VAT1L: variants seen among roughly 807,000 people sequenced by gnomAD.
The protein encoded by VAT1L is putative NADPH-dependent quinone oxidoreductase VAT1L.
A neutral mutation model predicts 44.1 loss-of-function variants in VAT1L; 34 were observed. The observed-to-expected ratio is 0.77, with a 90% CI of 0.59 to 1.03. The LOEUF (loss-of-function observed/expected upper bound fraction) is 1.03. VAT1L is among the 50% of genes least tolerant of loss of function. VAT1L has a pLI of 0.00. For missense variants in VAT1L, 615 were observed against 538.8 expected (o/e 1.14, Z -1.40); for synonymous variants, 253 against 202.2 (o/e 1.25, Z -2.13).
At chr16:77,950,923 A>G (rs1019351505) in intron 7 of VAT1L, among the ~76,000 whole-genome samples, 1 of 152,200 alleles carries the variant, frequency 6.6e-6, no homozygotes, top group African/African-American at 2.4e-5. Flanking sequence ...CAGCTAATAA[A>G]TGAACACGAC....
intron 3 of VAT1L, among the ~76,000 whole-genome samples, chr16:77,835,003 A>T (rs1048092783): frequency 6.6e-6 from 1 of 152,186 alleles, no homozygotes; most frequent in Non-Finnish European, 1.5e-5. Context: ...AGCTATCTTT[A>T]TTATTGTTAT....
chr16:77,884,536 TCAGCAATGCTGC>T lies in VAT1L; in HGVS notation c.883-69_883-58del. On this transcript the variant is annotated intron_variant, in intron 6 of 8. Coordinates refer to ENST00000302536, the MANE Select transcript of VAT1L (RefSeq NM_020927.3). The surrounding 1 kb of genome is among the most constrained non-coding windows in gnomAD (Gnocchi z 4.5). Reference sequence around the variant, plus strand: ...GTTCCCCCTGTAGTAGCTGATGACATCAGCAATGCTGCCAATGTAGGCTTAACCCCGGTATTG... The same window carrying T: ...GTTCCCCCTGTAGTAGCTGATGACATCAATGTAGGCTTAACCCCGGTATTG... The T allele has an allele frequency of 6.7e-7, 1 of 1,501,586 alleles. No individual in the cohort carries two copies. The highest frequency in any genetic ancestry group is 1.4e-5 in the African/African-American group (1 of 71,636). The allele number at this position is 1,501,586 out of a possible 1,614,324, so 93.0% of individuals were successfully genotyped here.
intron 7 of VAT1L, among the ~76,000 whole-genome samples, chr16:77,918,629 G>A (rs2017575539): frequency 1.3e-5 from 2 of 152,138 alleles, no homozygotes; most frequent in Admixed American, 1.3e-4. Flanking sequence ...GCTGTAAGGA[G>A]GATGGAAAAA....
chr16:77,794,152 C>G (rs901926346), intron 1 of VAT1L, among the ~76,000 whole-genome samples: 2 of 152,068 alleles, frequency 1.3e-5, no homozygotes, highest in South Asian at 4.2e-4. Context: ...GAGACACACA[C>G]ACAAATCATG....
intron 7 of VAT1L, among the ~76,000 whole-genome samples, chr16:77,931,243 T>C (rs1452881249): frequency 6.6e-6 from 1 of 152,160 alleles, no homozygotes; most frequent in Non-Finnish European, 1.5e-5. Context: ...TTATATAAAA[T>C]GACGTCAGCA....
chr16:77,795,287 GGGA>G lies in VAT1L; in HGVS notation c.233+6373_233+6375del, dbSNP rs2015908998. Among the ~76,000 whole-genome samples the G allele has an allele frequency of 2.0e-5, 3 of 146,578 alleles. 1 individual carries two copies. Among genetic ancestry groups the G allele is most frequent in the African/African-American group, 7.4e-5 (3 of 40,362 alleles). On this transcript the variant is annotated intron_variant, in intron 1 of 8. Transcript: ENST00000302536. ...TGGTAGAATTTACAGTGGGGGCGGGGGGAAAGATTGAGAAATTAAGATTTGTTT... is the reference window on the plus strand; with the variant it reads ...TGGTAGAATTTACAGTGGGGGCGGGGAAGATTGAGAAATTAAGATTTGTTT...
intron 1 of VAT1L, among the ~76,000 whole-genome samples, chr16:77,802,366 C>T (rs981921494): frequency 2.0e-5 from 3 of 152,062 alleles, no homozygotes; most frequent in Admixed American, 1.3e-4. Flanking sequence ...CCTGTAATCC[C>T]AGCACTTTGG....
chr16:77,800,649 A>G (rs780565760), intron 1 of VAT1L: 2 of 151,972 alleles, frequency 1.3e-5, no homozygotes, highest in African/African-American at 2.4e-5. Context: ...CACCCAGAAT[A>G]TGTCCCCATT....
chr16:77,806,374 C>A (rs1359307936), intron 1 of VAT1L, among the ~76,000 whole-genome samples: 2 of 151,974 alleles, frequency 1.3e-5, no homozygotes, highest in African/African-American at 2.4e-5. Context: ...CACGCCCGGC[C>A]AAGTTTTTTG....
At position 77,907,134 on chromosome 16, in the gene VAT1L, C is replaced by T. The variant is rs1050267934; in HGVS notation, c.1077+22332C>T. Among the ~76,000 whole-genome samples, 3 of 152,192 alleles carry T rather than the reference C, an allele frequency of 2.0e-5. No individual in the cohort carries two copies. The South Asian group carries it at 6.2e-4, about 32-fold the overall frequency. Reference sequence around the variant, plus strand: ...GCTGTGTAGCATTGGCCAATTTCCACGCTGTAAATACTCCCATCGTGACCA... The same window carrying T: ...GCTGTGTAGCATTGGCCAATTTCCATGCTGTAAATACTCCCATCGTGACCA... On this transcript the variant is annotated intron_variant, in intron 7 of 8. Coordinates refer to ENST00000302536, the MANE Select transcript of VAT1L (RefSeq NM_020927.3).
intron 4 of VAT1L, among the ~76,000 whole-genome samples, chr16:77,864,185 C>G (rs1355721269): frequency 1.3e-5 from 2 of 152,230 alleles, no homozygotes; most frequent in Non-Finnish European, 2.9e-5. Flanking sequence ...GTCCATGCCA[C>G]TCAGAGCTTC....
At chr16:77,872,497 G>C (rs2017043003) in intron 4 of VAT1L, among the ~76,000 whole-genome samples, 1 of 152,178 alleles carries the variant, frequency 6.6e-6, no homozygotes, top group African/African-American at 2.4e-5. Context: ...GCAAGGTGAA[G>C]ACCTGACCAC....
chr16:77,933,333 C>T (rs936881086), intron 7 of VAT1L, among the ~76,000 whole-genome samples: 3 of 152,206 alleles, frequency 2.0e-5, no homozygotes, highest in Admixed American at 6.5e-5. Flanking sequence ...ATCTTCCTGA[C>T]TCCAAAAACT....
chr16:77,841,437 G>C (rs1196542612), intron 3 of VAT1L, among the ~76,000 whole-genome samples: 1 of 152,114 alleles, frequency 6.6e-6, no homozygotes, highest in Admixed American at 6.5e-5. Flanking sequence ...TCTCTCATCG[G>C]GCAGGAATGC....
intron 1 of VAT1L, among the ~76,000 whole-genome samples, chr16:77,812,332 C>G (rs1294575264): frequency 6.6e-6 from 1 of 152,140 alleles, no homozygotes; most frequent in Non-Finnish European, 1.5e-5. Flanking sequence ...CTCGGCCTCC[C>G]AAAGTGCTGG....
chr16:77,804,476 T>G (rs1246041551), intron 1 of VAT1L, among the ~76,000 whole-genome samples: 1 of 152,110 alleles, frequency 6.6e-6, no homozygotes, highest in Non-Finnish European at 1.5e-5. Context: ...ACTACTGAGG[T>G]GTGTTTTGAA....
chr16:77,945,585 T>A (rs1411267895), intron 7 of VAT1L, among the ~76,000 whole-genome samples: 1 of 151,550 alleles, frequency 6.6e-6, no homozygotes, highest in Non-Finnish European at 1.5e-5. Context: ...CCACCACACC[T>A]GGCCAGAACT....
chr16:77,962,365 T>G (rs575345310), intron 7 of VAT1L, among the ~76,000 whole-genome samples: 1 of 152,116 alleles, frequency 6.6e-6, no homozygotes, highest in Non-Finnish European at 1.5e-5. Flanking sequence ...TTGCTTTGCA[T>G]GGCTGTCCCT....
chr16:77,893,330 A>C (rs1193981889), intron 7 of VAT1L, among the ~76,000 whole-genome samples: 3 of 152,256 alleles, frequency 2.0e-5, no homozygotes, highest in Non-Finnish European at 4.4e-5. Flanking sequence ...GAAATCAGAA[A>C]TAAAGGACAA....
Sources: allele counts gnomAD v4.1 joint callset (sites outside exome capture counted in the v4.1 genomes callset), GRCh38; gene constraint gnomAD v4.1.1; non-coding constraint Gnocchi (gnomAD v3.1); transcripts MANE v1.5; gene names NCBI Gene and HGNC (gene_info 2026-07-23, HGNC 2026-07-21).